The following HPD variants were observed in gnomAD, a reference collection of about 807,000 sequenced individuals.
HPD encodes the protein 4-hydroxyphenylpyruvic acid oxidase.
HPD carries 35 observed loss-of-function variants against 56.9 expected under a neutral mutation model. The ratio of observed to expected loss-of-function variants is 0.62; its 90% CI spans 0.47 to 0.82. The LOEUF (loss-of-function observed/expected upper bound fraction) is 0.82, where lower values mean the gene tolerates loss of function less well. Among genes scored for constraint, HPD ranks in the 40% least tolerant of loss-of-function variants. The pLI is 0.00. For missense variants in HPD, 442 were observed against 506.8 expected (o/e 0.87, Z 1.23); for synonymous variants, 186 against 200.2 (o/e 0.93, Z 0.60).
intron 7 of HPD, 108 bp downstream of exon 7, chr12:121,854,595 G>A: frequency 1.2e-6 from 1 of 831,750 alleles, no homozygotes; most frequent in Non-Finnish European, 2.1e-6. Context: ...GACAATGTCT[G>A]TGCTCCAAGG....
the HPD span, among the ~76,000 whole-genome samples, chr12:121,870,932 G>C: frequency 6.6e-5 from 10 of 152,198 alleles, no homozygotes; most frequent in Admixed American, 3.9e-4. Context: ...AACGTGATCA[G>C]AACATTAAAG....
At position 121,857,606 on chromosome 12, in the gene HPD, C is replaced by T. The variant is rs1395206235; in HGVS notation, c.93+151G>A. The T allele has an allele frequency of 4.8e-6, 4 of 834,006 alleles. No homozygotes were observed. The East Asian group carries it at 1.0e-4, about 22-fold the overall frequency. The allele number at this position is 834,006 out of a possible 1,614,324, so 51.7% of individuals were successfully genotyped here. A position where few individuals can be genotyped will look rare whatever the true frequency, so the allele number is the denominator to read the frequency against. ...ATTTTGCTGACAGATAACTTTCCCG[C>T]TGGTGTAATTAGGATTCAGAGTATC... On this transcript the variant is annotated intron_variant, in intron 3 of 13. Coordinates refer to ENST00000289004, the MANE Select transcript of HPD (RefSeq NM_002150.3).
At chr12:121,842,639 A>C (rs1877444022) in intron 12 of HPD, among the ~76,000 whole-genome samples, 1 of 151,276 alleles carries the variant, frequency 6.6e-6, no homozygotes, top group African/African-American at 2.4e-5. Flanking sequence ...CATATTGACC[A>C]GGCTGGTCTC....
chr12:121,879,628 G>T, the HPD span, among the ~76,000 whole-genome samples: 1 of 151,884 alleles, frequency 6.6e-6, no homozygotes, highest in Non-Finnish European at 1.5e-5. Context: ...CTCCCATCTC[G>T]GCCTGAGTAG....
chr12:121,843,689 C>A (rs747617139), intron 12 of HPD, 21 bp downstream of exon 12: 2 of 1,613,632 alleles, frequency 1.2e-6, no homozygotes, highest in Non-Finnish European at 1.7e-6. Context: ...CACAAGGCTG[C>A]GGATCCTGCC....
Position 121,858,841 on chromosome 12 carries a change from C to G in HPD, c.-18G>C. The G allele has an allele frequency of 6.2e-7, 1 of 1,614,106 alleles. No individual in the cohort carries two copies. Among genetic ancestry groups the G allele is most frequent in the Non-Finnish European group, 8.5e-7 (1 of 1,179,962 alleles). ...CTTACCATGATTGATCTTAGTCAAA[C>G]CTCCTACTGGGACTAGAGGCCTGGG... On this transcript the variant is annotated 5_prime_UTR_variant, in exon 1 of 14. Coordinates refer to ENST00000289004, the MANE Select transcript of HPD (RefSeq NM_002150.3).
At chr12:121,845,001 T>G (rs184275205) in intron 11 of HPD, among the ~76,000 whole-genome samples, 2,474 of 144,162 alleles carry the variant, frequency 0.017, 113 homozygotes, top group African/African-American at 0.065. Flanking sequence ...GGAGAATCGC[T>G]TGAACCCAGG....
intron 8 of HPD, 115 bp downstream of exon 8, chr12:121,849,572 C>T (rs779829636): frequency 1.6e-5 from 12 of 759,668 alleles, no homozygotes; most frequent in Non-Finnish European, 2.8e-5. Flanking sequence ...CCAGGAATTC[C>T]CTAGCCGGCT....
At chr12:121,841,332 T>C (rs926853005) in intron 12 of HPD, among the ~76,000 whole-genome samples, 2 of 152,216 alleles carry the variant, frequency 1.3e-5, no homozygotes, top group South Asian at 2.1e-4. Context: ...ATCGCACCAC[T>C]GCACCCCAGC....
At chr12:121,872,091 T>C in the HPD span, among the ~76,000 whole-genome samples, 1 of 131,320 alleles carries the variant, frequency 7.6e-6, no homozygotes, top group Non-Finnish European at 1.7e-5. Context: ...AAAAAAAAAA[T>C]TAGCTGGGCG....
chr12:121,849,633 C>G, intron 8 of HPD, 54 bp downstream of exon 8: 1 of 1,196,888 alleles, frequency 8.4e-7, no homozygotes, highest in African/African-American at 1.5e-5. Context: ...AGGGGCATTA[C>G]TTTTCACAGT....
upstream of HPD, among the ~76,000 whole-genome samples, chr12:121,865,565 A>G (rs1878304478): frequency 2.0e-5 from 3 of 149,560 alleles, no homozygotes; most frequent in African/African-American, 4.9e-5. Flanking sequence ...CACTGTGCCC[A>G]GCCACGACAC....
upstream of HPD, chr12:121,859,187 C>CTTGCCTAGAGGAAAT: frequency 2.7e-6 from 1 of 366,586 alleles, no homozygotes. Flanking sequence ...CTCCAGAACT[C>CTTGCCTAGAGGAAAT]TTGCCTAGAG....
rs1433919215 is a variant in HPD at position 121,849,616 on chromosome 12, T to C, written c.518+71A>G. The C allele has an allele frequency of 2.0e-5, 20 of 1,013,642 alleles. No individual in the cohort carries two copies. In the African/African-American group the frequency reaches 2.8e-4, roughly 14 times the overall value. The allele number at this position is 1,013,642 out of a possible 1,614,324, so 62.8% of individuals were successfully genotyped here. ...CCCCAACACACATGCGCAGTGGACA[T>C]GGAGGAAGGGGCATTACTTTTCACA... On this transcript the variant is annotated intron_variant, in intron 8 of 13. Coordinates refer to ENST00000289004, the MANE Select transcript of HPD (RefSeq NM_002150.3).
the HPD span, among the ~76,000 whole-genome samples, chr12:121,869,803 G>T: frequency 6.6e-6 from 1 of 152,174 alleles, no homozygotes; most frequent in Admixed American, 6.6e-5. Context: ...GGAATTACTG[G>T]CGTGAGCCAC....
chr12:121,863,049 C>A (rs1440030348), upstream of HPD, among the ~76,000 whole-genome samples: 1 of 148,452 alleles, frequency 6.7e-6, no homozygotes, highest in East Asian at 2.0e-4. Flanking sequence ...ATGGCGTGAT[C>A]TCTGCTCACT....
chr12:121,875,413 C>G, the HPD span, among the ~76,000 whole-genome samples: 2 of 150,496 alleles, frequency 1.3e-5, no homozygotes, highest in South Asian at 2.1e-4. Flanking sequence ...TTTTCTCCCC[C>G]TTTTTCTTTC....
chr12:121,847,440 G>T (rs1154516), intron 9 of HPD, among the ~76,000 whole-genome samples: 1 of 152,120 alleles, frequency 6.6e-6, no homozygotes, highest in African/African-American at 2.4e-5. Context: ...GCTCACTGCA[G>T]CCTCAATCTC....
In HPD at chr12:121,856,590, C is replaced by G; in HGVS notation, c.234G>C (p.Trp78Cys). 1.2e-6 allele frequency: 2 copies of G among 1,614,110 alleles called. No individual in the cohort carries two copies. Among genetic ancestry groups the G allele is most frequent in the South Asian group, 1.1e-5 (1 of 91,082 alleles). Residue 78 changes from tryptophan to cysteine, a missense_variant, in exon 5 of 14, where the codon TGG becomes TGC. By Grantham distance (215) the Trp-to-Cys change is radical. Transcript: ENST00000289004. The part of the protein sequence containing the change: ...VFVLSSALNP[W>C]NKEMGDHLVK... ...CCTCCCCGGGCACCTCACCTTTGTT[C>G]CAGGGGTTGAGCGCTGAGGAGAGGA...
Sources: gnomAD v4.1 joint callset for allele counts (sites outside exome capture counted in the v4.1 genomes callset) on GRCh38, gnomAD v4.1.1 for gene constraint, MANE v1.5 for transcripts, NCBI Gene and HGNC (gene_info 2026-07-23, HGNC 2026-07-21) for gene names.